The following RIMBP2 variants were observed in gnomAD, a reference collection of about 807,000 sequenced individuals.
The protein encoded by RIMBP2 is RIMS binding protein 2, also known as RIMS-binding protein 2.
Under a neutral mutation model 118.6 loss-of-function variants are expected in RIMBP2, and 48 were observed. The ratio of observed to expected loss-of-function variants is 0.40; its 90% CI spans 0.32 to 0.51. RIMBP2 has a LOEUF of 0.51. Among genes scored for constraint, RIMBP2 ranks in the 20% least tolerant of loss-of-function variants. The pLI is 0.41. For missense variants in RIMBP2, 1,551 were observed against 1,768.3 expected (o/e 0.88, Z 2.20); for synonymous variants, 762 against 742.9 (o/e 1.03, Z -0.42).
intron 4 of RIMBP2, among the ~76,000 whole-genome samples, chr12:130,479,749 C>T (rs1593457952): frequency 1.3e-5 from 2 of 151,982 alleles, no homozygotes; most frequent in South Asian, 4.2e-4. Context: ...CGCAAGGTGG[C>T]CCCCATCAGC....
chr12:130,468,176 T>A (rs1385912385), intron 6 of RIMBP2, among the ~76,000 whole-genome samples: 1 of 152,182 alleles, frequency 6.6e-6, no homozygotes, highest in Non-Finnish European at 1.5e-5. Flanking sequence ...ACAGCTGCAG[T>A]GTTGGGATCA....
intron 2 of RIMBP2, among the ~76,000 whole-genome samples, chr12:130,594,464 C>T (rs901461185): frequency 3.3e-5 from 5 of 152,264 alleles, no homozygotes; most frequent in African/African-American, 1.2e-4. Flanking sequence ...TCTTTTAAGG[C>T]AGGGGTGTCC....
chr12:130,410,530 A>C (rs537932119), intron 19 of RIMBP2, among the ~76,000 whole-genome samples: 3 of 152,240 alleles, frequency 2.0e-5, no homozygotes, highest in African/African-American at 7.2e-5. Context: ...ATTTTTATTT[A>C]AGTTTTTAAT....
Position 130,620,258 on chromosome 12 carries a change from C to G in RIMBP2, c.-217+8064G>C, listed in dbSNP as rs963607166. On this transcript the variant is annotated intron_variant, in intron 2 of 22. Coordinates refer to ENST00000690449, the MANE Select transcript of RIMBP2 (RefSeq NM_001393629.1). This position sits in a 1 kb window ranked among gnomAD's most constrained non-coding sequence, Gnocchi z 5.3. ...AATTTAAATCTTGAGCAGAGGGACC[C>G]AAGGACAAAAAAAAGAACCAGCAGC... Among the ~76,000 whole-genome samples, 1 of 152,004 alleles carries G rather than the reference C, an allele frequency of 6.6e-6. No homozygotes were observed. Among genetic ancestry groups the G allele is most frequent in the Non-Finnish European group, 1.5e-5 (1 of 67,976 alleles).
chr12:130,425,699 A>C (rs1253085926), intron 15 of RIMBP2: 1 of 152,384 alleles, frequency 6.6e-6, no homozygotes, highest in Non-Finnish European at 1.5e-5. Flanking sequence ...CTCTACCCAA[A>C]GAGCATGAAG....
rs1406029646 is a variant in RIMBP2, at chr12:130,511,947, C to G, written c.-126-5177G>C. ...TCTGGGCTTCCTGAGCACAACAGTG[C>G]CCTTCGTATGAAACCCACCAAGCTC... is the stretch of plus-strand genomic sequence containing the variant. On this transcript the variant is annotated intron_variant, in intron 3 of 22. Coordinates refer to ENST00000690449, the MANE Select transcript of RIMBP2 (RefSeq NM_001393629.1). The surrounding 1 kb of genome is among the most constrained non-coding windows in gnomAD (Gnocchi z 4.3). 6.6e-6 allele frequency among the ~76,000 whole-genome samples: 1 copy of G among 152,176 alleles called. No homozygotes were observed. Among genetic ancestry groups the G allele is most frequent in the African/African-American group, 2.4e-5 (1 of 41,444 alleles).
chr12:130,457,643 G>A (rs1004097701), intron 6 of RIMBP2, among the ~76,000 whole-genome samples: 12 of 152,280 alleles, frequency 7.9e-5, no homozygotes, highest in Admixed American at 2.6e-4. Flanking sequence ...TGTGCTGACC[G>A]CCCCCCGGCA....
intron 1 of RIMBP2, among the ~76,000 whole-genome samples, chr12:130,678,101 A>T (rs1229958045): frequency 1.3e-5 from 2 of 152,100 alleles, no homozygotes; most frequent in Non-Finnish European, 2.9e-5. Context: ...TTCTTTCCTT[A>T]TCGAAGTCCC....
chr12:130,441,806 C>T (rs779011855), intron 11 of RIMBP2, 42 bp downstream of exon 11: 10 of 1,548,964 alleles, frequency 6.5e-6, no homozygotes, highest in East Asian at 4.5e-5. Flanking sequence ...GACATCCTGG[C>T]GTTCTCTCCC....
In RIMBP2 at chr12:130,557,296, G is replaced by A. The variant is rs560509863; in HGVS notation, c.-216-39379C>T. Among the ~76,000 whole-genome samples the A allele has an allele frequency of 3.1e-3, 470 of 152,132 alleles. 3 individuals are homozygous for A. Among genetic ancestry groups the A allele is most frequent in the African/African-American group, 0.011 (437 of 41,488 alleles). On this transcript the variant is annotated intron_variant, in intron 2 of 22. Transcript: ENST00000690449. Reference sequence around the variant, plus strand: ...AGCCTCAGGAGGACCCAGTCCTGCTGGCCCCTGGAGCTCAAGCTTCAGCCC... The same window carrying A: ...AGCCTCAGGAGGACCCAGTCCTGCTAGCCCCTGGAGCTCAAGCTTCAGCCC...
rs999418192 is a variant in RIMBP2 at position 130,511,414 on chromosome 12, G to A, written c.-126-4644C>T. ...TAAACAGCAGTCCTCGTTACCGCGA[G>A]CACGCGTCGAATTGTCACTCTACAC... On this transcript the variant is annotated intron_variant, in intron 3 of 22. Transcript: ENST00000690449. This position sits in a 1 kb window ranked among gnomAD's most constrained non-coding sequence, Gnocchi z 4.3. Among the ~76,000 whole-genome samples, 4 of 152,204 alleles carry A rather than the reference G, an allele frequency of 2.6e-5. No homozygotes were observed. Among genetic ancestry groups the A allele is most frequent in the East Asian group, 1.9e-4 (1 of 5,182 alleles).
chr12:130,705,999 C>T (rs1257929970), intron 1 of RIMBP2, among the ~76,000 whole-genome samples: 2 of 152,230 alleles, frequency 1.3e-5, no homozygotes, highest in African/African-American at 2.4e-5. Context: ...TACAAGAAAT[C>T]TGGGCTGCAC....
rs955166259 is a variant in RIMBP2 at position 130,422,932 on chromosome 12, C to A, written c.3130-371G>T. On this transcript the variant is annotated intron_variant, in intron 16 of 22. Transcript: ENST00000690449. This position sits in a 1 kb window ranked among gnomAD's most constrained non-coding sequence, Gnocchi z 5.2. ...TGAGTCCCTCTTAGTCTCCACATGC[C>A]CCCCTCCCAGCTGTCACGAAAGTGG... Among the ~76,000 whole-genome samples, 2 of 152,108 alleles carry A rather than the reference C, an allele frequency of 1.3e-5. No homozygotes were observed. The highest frequency in any genetic ancestry group is 2.9e-5 in the Non-Finnish European group (2 of 68,024).
At chr12:130,668,842 TTC>T (rs1301854883) in intron 1 of RIMBP2, among the ~76,000 whole-genome samples, 1 of 152,164 alleles carries the variant, frequency 6.6e-6, no homozygotes, top group Non-Finnish European at 1.5e-5. Flanking sequence ...ACAGCTCTGG[TTC>T]TCTCTCTCTT....
At chr12:130,585,309 G>A (rs2058813231) in intron 2 of RIMBP2, among the ~76,000 whole-genome samples, 1 of 152,158 alleles carries the variant, frequency 6.6e-6, no homozygotes, top group South Asian at 2.1e-4. Flanking sequence ...GGGGCGATGG[G>A]GAGATGCCTT....
intron 13 of RIMBP2, among the ~76,000 whole-genome samples, chr12:130,435,295 C>T (rs908748651): frequency 5.9e-5 from 9 of 152,128 alleles, no homozygotes; most frequent in Non-Finnish European, 1.3e-4. Context: ...CTGCCCACCT[C>T]GGCCTCCCAA....
rs137872494 is a variant in RIMBP2, at chr12:130,598,726, T to TA, written c.-217+29595dup. Among the ~76,000 whole-genome samples, 764 of 140,372 alleles carry TA rather than the reference T, an allele frequency of 5.4e-3. 2 individuals carry two copies. The highest frequency in any genetic ancestry group is 0.01 in the African/African-American group (394 of 38,014). 92.1% of individuals were successfully genotyped at this position (140,372 alleles called of 152,430 possible). A position where few individuals can be genotyped will look rare whatever the true frequency, so the allele number is the denominator to read the frequency against. ...CTGGGCGACTGAGCAAGACTCCATT[T>TA]AAAAAAAAAAAAAAAATTGGAGAAC... On this transcript the variant is annotated intron_variant, in intron 2 of 22. Coordinates refer to ENST00000690449, the MANE Select transcript of RIMBP2 (RefSeq NM_001393629.1).
chr12:130,418,525 A>G (rs2076232413), intron 17 of RIMBP2, among the ~76,000 whole-genome samples: 1 of 152,164 alleles, frequency 6.6e-6, no homozygotes, highest in Non-Finnish European at 1.5e-5. Flanking sequence ...TGACCATGTC[A>G]GTGTGATCTA....
chr12:130,663,625 A>G (rs1301588086), intron 1 of RIMBP2, among the ~76,000 whole-genome samples: 1 of 151,760 alleles, frequency 6.6e-6, no homozygotes, highest in Non-Finnish European at 1.5e-5. Context: ...TGAAAACTAC[A>G]CTGAGATACT....
Sources: allele counts gnomAD v4.1 joint callset (sites outside exome capture counted in the v4.1 genomes callset), GRCh38; gene constraint gnomAD v4.1.1; non-coding constraint Gnocchi (gnomAD v3.1); transcripts MANE v1.5; gene names NCBI Gene and HGNC (gene_info 2026-07-23, HGNC 2026-07-21).